Variants in RBBP6 observed in about 807,000 individuals in gnomAD.
RBBP6 encodes the protein E3 ubiquitin-protein ligase RBBP6.
A neutral mutation model predicts 167.7 loss-of-function variants in RBBP6; 25 were observed. That is an observed-to-expected ratio of 0.15 (90% CI 0.11 to 0.21). The LOEUF (loss-of-function observed/expected upper bound fraction) is 0.21, where lower values mean the gene tolerates loss of function less well. Among genes scored for constraint, RBBP6 ranks in the 10% least tolerant of loss-of-function variants. The probability of loss-of-function intolerance (pLI) is 1.00; values close to 1 mark genes in which losing one functional copy is unlikely to be tolerated. For missense variants in RBBP6, 1,868 were observed against 2,134.2 expected (o/e 0.88, Z 2.46); for synonymous variants, 789 against 735.8 (o/e 1.07, Z -1.17).
chr16:24,560,829 T>C (rs1457642386), intron 8 of RBBP6, among the ~76,000 whole-genome samples: 1 of 152,190 alleles, frequency 6.6e-6, no homozygotes, highest in Non-Finnish European at 1.5e-5. Context: ...TACTATGCCT[T>C]TGGGGCAGTT....
chr16:24,559,736 TG>T (rs1438252928), intron 8 of RBBP6, 59 bp downstream of exon 8: 9 of 1,389,318 alleles, frequency 6.5e-6, no homozygotes, highest in Non-Finnish European at 8.6e-6. Context: ...TTACTTGGAA[TG>T]GCTCTTCCCA....
At position 24,553,452 on chromosome 16, in the gene RBBP6, T is replaced by C. The variant is rs1429276952; in HGVS notation, c.304-61T>C. On this transcript the variant is annotated intron_variant, in intron 3 of 17. Transcript: ENST00000319715. ...CATTAAGGTGTCAATAGGGGCTAAA[T>C]GATCACTTTAAGATGTTTTCAGTTT... The C allele has an allele frequency of 1.2e-5, 17 of 1,418,700 alleles. No individual in the cohort carries two copies. In the South Asian group the frequency reaches 1.3e-4, roughly 11 times the overall value. 87.9% of individuals were successfully genotyped at this position (1,418,700 alleles called of 1,614,324 possible).
rs1898448547 is a variant in RBBP6 at position 24,540,244 on chromosome 16, C to G, written c.-383C>G. ...CGGCCGCGCTATGGACCCCTGACCC[C>G]GTGGGGTCGCTCGGACTCTTAACGT... On this transcript the variant is annotated 5_prime_UTR_variant, in exon 1 of 18. Coordinates refer to ENST00000319715, the MANE Select transcript of RBBP6 (RefSeq NM_006910.5). 1 of 162,148 alleles carries G rather than the reference C, an allele frequency of 6.2e-6. No homozygotes were observed. The highest frequency in any genetic ancestry group is 2.4e-5 in the African/African-American group (1 of 41,690). The allele number at this position is 162,148 out of a possible 1,614,324, so 10.0% of individuals were successfully genotyped here.
In RBBP6 at chr16:24,568,751, A is replaced by G; in HGVS notation, c.2061A>G (p.Lys687=). The G allele has an allele frequency of 1.2e-6, 2 of 1,608,198 alleles. No homozygotes were observed. Among genetic ancestry groups the G allele is most frequent in the Non-Finnish European group, 8.5e-7 (1 of 1,176,302 alleles). Residue 687 remains lysine (K), a synonymous_variant, in exon 17 of 18, where the codon AAA becomes AAG. Coordinates refer to ENST00000319715, the MANE Select transcript of RBBP6 (RefSeq NM_006910.5). ...KERRRSFSRS[K]SPYSGSSYSR... ...TGTTTTGTTTTGTTTTTAGGTCTAA[A>G]TCTCCCTATAGTGGTTCTTCGTATT...
intron 2 of RBBP6, among the ~76,000 whole-genome samples, chr16:24,548,262 T>C (rs1427819896): frequency 6.6e-6 from 1 of 152,074 alleles, no homozygotes; most frequent in Non-Finnish European, 1.5e-5. Flanking sequence ...TCAGTTCTTT[T>C]AACTAAAATA....
In RBBP6 at chr16:24,572,261, A is replaced by G. The variant is rs1276120445; in HGVS notation, c.5195A>G (p.Lys1732Arg). The G allele has an allele frequency of 6.2e-7, 1 of 1,613,012 alleles. No homozygotes were observed. The highest frequency in any genetic ancestry group is 1.1e-5 in the South Asian group (1 of 90,972). ...ESQDSKKKKK[K>R]KEKKKHKKHK... The stretch of plus-strand genomic sequence containing the variant: ...CAGGACAGCAAGAAGAAGAAGAAAA[A>G]GAAGGAAAAGAAAAAACACAAGAAA... Residue 1732 changes from lysine to arginine, a missense_variant, in exon 18 of 18, where the codon AAG becomes AGG. This residue lies in a region of RBBP6 where 591 missense variants were observed against 540.5 expected (regional missense o/e 1.09). Transcript: ENST00000319715.
In RBBP6 at chr16:24,569,413, A is replaced by G; in HGVS notation, c.2723A>G (p.His908Arg). 1 of 1,614,150 alleles carries G rather than the reference A, an allele frequency of 6.2e-7. No homozygotes were observed. The highest frequency in any genetic ancestry group is 1.1e-5 in the South Asian group (1 of 91,076). The change falls in exon 17 of 18, where the codon CAC becomes CGC. Residue 908 changes from histidine to arginine, a missense_variant. His to Arg is a conservative substitution (Grantham distance 29). Transcript: ENST00000319715. ...GAAAAGCTTTCAGCAAGAGATGGTC[A>G]CAATCAGAAGGATAATACAAAGTCA... is the stretch of plus-strand genomic sequence containing the variant. ...YPEKLSARDG[H>R]NQKDNTKSKE... is the part of the protein sequence containing the mutation.
At chr16:24,543,348 A>C (rs117814050) in intron 1 of RBBP6, among the ~76,000 whole-genome samples, 1 of 149,920 alleles carries the variant, frequency 6.7e-6, no homozygotes, top group East Asian at 2.0e-4. Context: ...TAATGGCACA[A>C]TTTTGGCTCA....
intron 7 of RBBP6, chr16:24,558,384 CTTT>C: frequency 3.2e-5 from 17 of 533,446 alleles, no homozygotes; most frequent in South Asian, 8.3e-5. Flanking sequence ...CTCTTTTTTT[CTTT>C]TTTTTTTTTT....
chr16:24,555,939 T>C, intron 6 of RBBP6, 22 bp downstream of exon 6: 1 of 1,523,332 alleles, frequency 6.6e-7, no homozygotes, highest in Non-Finnish European at 9.1e-7. Flanking sequence ...GCAGAAACTA[T>C]GGTATATCTT....
At chr16:24,570,547 TTTC>T in intron 17 of RBBP6, 48 bp downstream of exon 17, 2 of 1,442,674 alleles carry the variant, frequency 1.4e-6, no homozygotes, top group Non-Finnish European at 1.8e-6. Context: ...GGAGAAGGAT[TTTC>T]TTCAGTTTTA....
In RBBP6 at chr16:24,559,564, C is replaced by A. The variant is rs1898998745; in HGVS notation, c.734C>A (p.Ser245Tyr). The change falls in exon 8 of 18, where the codon TCT becomes TAT. Residue 245 changes from serine to tyrosine, a missense_variant. Coordinates refer to ENST00000319715, the MANE Select transcript of RBBP6 (RefSeq NM_006910.5). Reference sequence around the variant, plus strand: ...CCCTTCTTACCAGAGGAGCCATCTTCTTCCTCAGAAGAAGATGATCCTATC... The same window carrying A: ...CCCTTCTTACCAGAGGAGCCATCTTATTCCTCAGAAGAAGATGATCCTATC... ...KPPFLPEEPS[S>Y]SSEEDDPIPD... is the part of the protein sequence containing the mutation. 1.2e-6 allele frequency: 2 copies of A among 1,607,840 alleles called. No individual in the cohort carries two copies. Among genetic ancestry groups the A allele is most frequent in the Non-Finnish European group, 1.7e-6 (2 of 1,177,236 alleles).
chr16:24,545,080 C>T (rs1247872922), intron 1 of RBBP6, among the ~76,000 whole-genome samples: 9 of 152,102 alleles, frequency 5.9e-5, no homozygotes, highest in Non-Finnish European at 1.0e-4. Flanking sequence ...ACATTGGTGC[C>T]ACAGTAGTCT....
intron 14 of RBBP6, among the ~76,000 whole-genome samples, chr16:24,566,168 T>C (rs537621793): frequency 2.0e-5 from 3 of 152,342 alleles, no homozygotes; most frequent in East Asian, 1.9e-4. Context: ...GTAATAGTTA[T>C]TCATGGCTCA....
Position 24,567,260 on chromosome 16 carries a change from C to G in RBBP6, c.1707C>G (p.Pro569=). 6.2e-7 allele frequency: 1 copy of G among 1,614,178 alleles called. No individual in the cohort carries two copies. The highest frequency in any genetic ancestry group is 8.5e-7 in the Non-Finnish European group (1 of 1,180,030). ...CACCTCCTTTGTATCCGCCTCCTCC[C>G]CATACACTTCCTCTCCCTCCGGGTG... ...VPPPPLYPPP[P]HTLPLPPGVP... The change falls in exon 15 of 18, where the codon CCC becomes CCG. Residue 569 remains proline (P), a synonymous_variant. Coordinates refer to ENST00000319715, the MANE Select transcript of RBBP6 (RefSeq NM_006910.5).
rs573635859 is a variant in RBBP6, at chr16:24,566,264, A to G, written c.1590-879A>G. Among the ~76,000 whole-genome samples the G allele has an allele frequency of 2.0e-5, 3 of 152,356 alleles. No individual in the cohort carries two copies. In the South Asian group the frequency reaches 6.2e-4, roughly 32 times the overall value. Reference sequence around the variant, plus strand: ...TTTAAAGCACCTCTAGTTTAACAGAAGTAACCAGTTCTGTTTGGTGAGGCA... The same window carrying G: ...TTTAAAGCACCTCTAGTTTAACAGAGGTAACCAGTTCTGTTTGGTGAGGCA... On this transcript the variant is annotated intron_variant, in intron 14 of 17. Transcript: ENST00000319715.
Position 24,572,392 on chromosome 16 carries a change from AAAGAGAAGG to A in RBBP6, c.5328_5336del (p.Glu1777_Glu1779del). The A allele has an allele frequency of 7.5e-7, 1 of 1,328,140 alleles. No individual in the cohort carries two copies. The highest frequency in any genetic ancestry group is 1.0e-6 in the Non-Finnish European group (1 of 958,206). 82.3% of individuals were successfully genotyped at this position (1,328,140 alleles called of 1,614,324 possible). ...AAAGAAGTCAAAGAAGAACAAAGAT[AAAGAGAAGG>A]AGAAGGAGAAAGATGACCAAAAAGT... is the stretch of plus-strand genomic sequence containing the variant. On this transcript the variant is annotated inframe_deletion, in exon 18 of 18. Transcript: ENST00000319715.
intron 16 of RBBP6, 118 bp downstream of exon 16, chr16:24,568,011 A>G: frequency 5.1e-6 from 4 of 780,306 alleles, no homozygotes; most frequent in South Asian, 4.9e-5. Context: ...GTCTAGGTGT[A>G]TAGAAGTGAA....
At chr16:24,548,828 T>C in intron 2 of RBBP6, 117 bp from the exon 3 acceptor site, 1 of 815,512 alleles carries the variant, frequency 1.2e-6, no homozygotes, top group Admixed American at 2.6e-5. Context: ...TAAATATTTA[T>C]ACCAAAGGAA....
Sources: gnomAD v4.1 joint callset for allele counts (sites outside exome capture counted in the v4.1 genomes callset) on GRCh38, gnomAD v4.1.1 for gene constraint, gnomAD v4.1.1 regional missense constraint, MANE v1.5 for transcripts, NCBI Gene and HGNC (gene_info 2026-07-23, HGNC 2026-07-21) for gene names.